Variants in RAP2A observed in about 807,000 individuals in gnomAD.
RAP2A encodes the protein RAP2A, member of RAS oncogene family.
Under a neutral mutation model 15.1 loss-of-function variants are expected in RAP2A, and 5 were observed. The observed-to-expected ratio is 0.33, with a 90% CI of 0.17 to 0.70. The LOEUF is 0.70. Among genes scored for constraint, RAP2A ranks in the 30% least tolerant of loss-of-function variants. The probability of loss-of-function intolerance (pLI) is 0.68; values close to 1 mark genes in which losing one functional copy is unlikely to be tolerated. For synonymous variants in RAP2A, 110 were observed against 99.7 expected, an observed-to-expected ratio of 1.10 and a Z score of -0.62; for missense variants, 111 against 240.3, an observed-to-expected ratio of 0.46 and a Z score of 3.56.
chr13:97,434,550 C>T lies in RAP2A; in HGVS notation c.80C>T (p.Thr27Ile), dbSNP rs1335996288. 2 of 1,614,048 alleles carry T rather than the reference C, an allele frequency of 1.2e-6. No homozygotes were observed. Among genetic ancestry groups the T allele is most frequent in the South Asian group, 1.1e-5 (1 of 91,086 alleles). Residue 27 changes from threonine to isoleucine, a missense_variant, in exon 1 of 2, where the codon ACC (threonine) becomes ATC (isoleucine). Thr to Ile is a moderately conservative substitution (Grantham distance 89). Around this residue, in one of 3 missense-constraint regions of RAP2A, gnomAD observed 17 missense variants for 79.7 expected, o/e 0.21. Transcript: ENST00000245304. ...SALTVQFVTG[T>I]FIEKYDPTIE... ...CTGACCGTGCAGTTCGTGACCGGCA[C>T]CTTCATCGAGAAATACGACCCCACC...
chr13:97,458,296 A>G (rs2066732302), intron 1 of RAP2A, among the ~76,000 whole-genome samples: 2 of 152,202 alleles, frequency 1.3e-5, no homozygotes, highest in South Asian at 4.1e-4. Context: ...CTAAGAAGAT[A>G]CCAGCATGTT....
At chr13:97,440,135 C>T (rs2153179122) in intron 1 of RAP2A, among the ~76,000 whole-genome samples, 1 of 152,230 alleles carries the variant, frequency 6.6e-6, no homozygotes, top group African/African-American at 2.4e-5. Context: ...ACTTCTGGAG[C>T]TCTGCTACCG....
At chr13:97,457,169 A>G (rs765114285) in intron 1 of RAP2A, among the ~76,000 whole-genome samples, 23 of 152,072 alleles carry the variant, frequency 1.5e-4, no homozygotes, top group South Asian at 6.2e-4. Context: ...TTACATGGCA[A>G]TTTGATGAAC....
chr13:97,450,258 A>C (rs1020584705), intron 1 of RAP2A, among the ~76,000 whole-genome samples: 1 of 152,196 alleles, frequency 6.6e-6, no homozygotes, highest in Admixed American at 6.5e-5. Context: ...TTGAAAAGAT[A>C]TATACTATAA....
intron 1 of RAP2A, among the ~76,000 whole-genome samples, chr13:97,450,014 G>A (rs887016551): frequency 2.0e-5 from 3 of 151,492 alleles, no homozygotes; most frequent in Non-Finnish European, 2.9e-5. Context: ...GAGTGATTTA[G>A]AAATGATAAA....
Position 97,465,470 on chromosome 13 carries a change from T to G in RAP2A, c.*1028T>G, listed in dbSNP as rs1425552236. On this transcript the variant is annotated 3_prime_UTR_variant, in exon 2 of 2. Transcript: ENST00000245304. ...GTAGTGTGACCCGTGGCTAACCTGC[T>G]TTCAAAATCAAGTATTTGCTGTAGC... The G allele has an allele frequency of 6.5e-6, 1 of 152,794 alleles. No individual in the cohort carries two copies. The highest frequency in any genetic ancestry group is 1.9e-4 in the East Asian group (1 of 5,192). The allele number at this position is 152,794 out of a possible 1,614,324, so 9.5% of individuals were successfully genotyped here. A position where few individuals can be genotyped will look rare whatever the true frequency, so the allele number is the denominator to read the frequency against.
rs2389910 is a variant in RAP2A, at chr13:97,464,910, A to G, written c.*468A>G. ...GGAAATGGGATAGAGCTTCTAACCAATGTATTCCGTCAAGTAAGATAATAA... is the reference window on the plus strand; with the variant it reads ...GGAAATGGGATAGAGCTTCTAACCAGTGTATTCCGTCAAGTAAGATAATAA... On this transcript the variant is annotated 3_prime_UTR_variant, in exon 2 of 2. Transcript: ENST00000245304. The G allele has an allele frequency of 0.57, 87,533 of 154,772 alleles. 28,792 individuals carry two copies. The highest frequency in any genetic ancestry group is 0.77 in the Middle Eastern group (230 of 300). 9.6% of individuals were successfully genotyped at this position (154,772 alleles called of 1,614,324 possible). A position where few individuals can be genotyped will look rare whatever the true frequency, so the allele number is the denominator to read the frequency against.
intron 1 of RAP2A, among the ~76,000 whole-genome samples, chr13:97,456,096 A>G (rs1054815420): frequency 2.8e-5 from 4 of 144,850 alleles, no homozygotes; most frequent in Non-Finnish European, 4.6e-5. Context: ...CTCTGCTATC[A>G]CTTACTCTAG....
intron 1 of RAP2A, among the ~76,000 whole-genome samples, chr13:97,449,268 T>C (rs977099394): frequency 6.6e-6 from 1 of 152,148 alleles, no homozygotes; most frequent in East Asian, 1.9e-4. Context: ...AAGCAATGTT[T>C]TAAGGTAATT....
chr13:97,452,769 GTAAA>G (rs2153179877), intron 1 of RAP2A, among the ~76,000 whole-genome samples: 1 of 151,342 alleles, frequency 6.6e-6, no homozygotes, highest in African/African-American at 2.4e-5. Flanking sequence ...CTTCCAGTAA[GTAAA>G]TGTTATATAT....
Position 97,467,483 on chromosome 13 carries a change from T to C in RAP2A, c.*3041T>C, listed in dbSNP as rs1264767769. The C allele has an allele frequency of 1.3e-5, 2 of 152,616 alleles. No homozygotes were observed. The highest frequency in any genetic ancestry group is 4.8e-5 in the African/African-American group (2 of 41,474). 9.5% of individuals were successfully genotyped at this position (152,616 alleles called of 1,614,324 possible). A position where few individuals can be genotyped will look rare whatever the true frequency, so the allele number is the denominator to read the frequency against. On this transcript the variant is annotated 3_prime_UTR_variant, in exon 2 of 2. Transcript: ENST00000245304. Reference sequence around the variant, plus strand: ...TTGCCTAAGGCTGTCTGGTATTTCTTTTCAAGGGTTTTCCAGTATGAATGT... The same window carrying C: ...TTGCCTAAGGCTGTCTGGTATTTCTCTTCAAGGGTTTTCCAGTATGAATGT...
At chr13:97,455,797 C>A (rs1009980653) in intron 1 of RAP2A, among the ~76,000 whole-genome samples, 3 of 151,452 alleles carry the variant, frequency 2.0e-5, no homozygotes, top group Non-Finnish European at 4.4e-5. Flanking sequence ...CTCTACTTTT[C>A]TCCTCTCTGG....
intron 1 of RAP2A, chr13:97,436,238 T>G (rs1051009876): frequency 6.6e-6 from 1 of 152,164 alleles, no homozygotes; most frequent in Non-Finnish European, 1.5e-5. Context: ...AGTTAAATGT[T>G]TATAGTTAAG....
chr13:97,434,280 C>T lies in RAP2A; in HGVS notation c.-191C>T. 5.4e-6 allele frequency: 1 copy of T among 185,976 alleles called. No homozygotes were observed. Among genetic ancestry groups the T allele is most frequent in the Non-Finnish European group, 9.8e-6 (1 of 102,340 alleles). 11.5% of individuals were successfully genotyped at this position (185,976 alleles called of 1,614,324 possible). A position where few individuals can be genotyped will look rare whatever the true frequency, so the allele number is the denominator to read the frequency against. ...GCATCGCCGCCCGGCTCGGCCCGGC[C>T]CATGCCCAGGGCCGCTGCTCCCTCA... is the stretch of plus-strand genomic sequence containing the variant. On this transcript the variant is annotated 5_prime_UTR_variant, in exon 1 of 2. Coordinates refer to ENST00000245304, the MANE Select transcript of RAP2A (RefSeq NM_021033.7).
chr13:97,451,354 A>G (rs1436873668), intron 1 of RAP2A, among the ~76,000 whole-genome samples: 1 of 152,192 alleles, frequency 6.6e-6, no homozygotes, highest in African/African-American at 2.4e-5. Context: ...CAGACATTTC[A>G]GGCAACAAAG....
At chr13:97,446,771 G>T (rs1170044462) in intron 1 of RAP2A, among the ~76,000 whole-genome samples, 2 of 152,158 alleles carry the variant, frequency 1.3e-5, no homozygotes, top group Admixed American at 1.3e-4. Context: ...AACGTGCCAG[G>T]CCTCAAGTGA....
Position 97,468,144 on chromosome 13 carries a change from A to G in RAP2A, c.*3702A>G, listed in dbSNP as rs767504934. 2.0e-5 allele frequency: 3 copies of G among 152,236 alleles called. No individual in the cohort carries two copies. The highest frequency in any genetic ancestry group is 4.4e-5 in the Non-Finnish European group (3 of 68,040). The allele number at this position is 152,236 out of a possible 1,614,324, so 9.4% of individuals were successfully genotyped here. On this transcript the variant is annotated 3_prime_UTR_variant, in exon 2 of 2. Transcript: ENST00000245304. Reference sequence around the variant, plus strand: ...ATCATATAAAAAGGCAGGTAGGTAGATAATTTTCATAGTCTTTAAAAATAA... The same window carrying G: ...ATCATATAAAAAGGCAGGTAGGTAGGTAATTTTCATAGTCTTTAAAAATAA...
chr13:97,450,654 C>T (rs1038050752), intron 1 of RAP2A, among the ~76,000 whole-genome samples: 6 of 149,598 alleles, frequency 4.0e-5, no homozygotes, highest in Admixed American at 6.6e-5. Flanking sequence ...TTAGATATTA[C>T]GCTTAAAAAA....
At position 97,434,418 on chromosome 13, in the gene RAP2A, C is replaced by T. The variant is rs2066623626; in HGVS notation, c.-53C>T. The stretch of plus-strand genomic sequence containing the variant: ...GCCGGGGCTGGGGGCGCAGCGCGGC[C>T]GGCGTAGGTCTATGTCGCGGGCGGC... On this transcript the variant is annotated 5_prime_UTR_variant, in exon 1 of 2. Transcript: ENST00000245304. The T allele has an allele frequency of 1.6e-6, 2 of 1,268,282 alleles. No homozygotes were observed. Among genetic ancestry groups the T allele is most frequent in the Admixed American group, 3.2e-5 (1 of 31,322 alleles). 78.6% of individuals were successfully genotyped at this position (1,268,282 alleles called of 1,614,324 possible).
Sources: allele counts gnomAD v4.1 joint callset (sites outside exome capture counted in the v4.1 genomes callset), GRCh38; gene constraint gnomAD v4.1.1; regional missense constraint gnomAD v4.1.1; transcripts MANE v1.5; gene names NCBI Gene and HGNC (gene_info 2026-07-23, HGNC 2026-07-21).